FAM200C: variants seen among roughly 807,000 people sequenced by gnomAD.
chr5:160,394,040 A>G, the FAM200C span: 48 of 1,611,930 alleles, frequency 3.0e-5, no homozygotes, highest in African/African-American at 5.9e-4. Flanking sequence ...ATCATCAACA[A>G]AATCGATATT....
chr5:160,394,102 G>T, the FAM200C span: 1 of 1,613,338 alleles, frequency 6.2e-7, no homozygotes, highest in South Asian at 1.1e-5. Context: ...GATCTCCAAT[G>T]GAAAAATATC....
the FAM200C span, chr5:160,394,336 A>T: frequency 1.2e-6 from 2 of 1,613,960 alleles, no homozygotes; most frequent in East Asian, 4.5e-5. Context: ...CACTGAGTTC[A>T]TTTAAGTGTT....
the FAM200C span, chr5:160,393,845 G>T: frequency 1.2e-6 from 2 of 1,613,826 alleles, no homozygotes; most frequent in South Asian, 2.2e-5. Flanking sequence ...TAAAAGTGAT[G>T]AAAATCCCAA....
At chr5:160,398,167 A>C in the FAM200C span, among the ~76,000 whole-genome samples, 1 of 152,096 alleles carries the variant, frequency 6.6e-6, no homozygotes, top group Admixed American at 6.5e-5. Context: ...GCTTGAACCC[A>C]GGGGGCAGAG....
At chr5:160,394,434 A>G in the FAM200C span, 2 of 1,613,806 alleles carry the variant, frequency 1.2e-6, no homozygotes, top group Middle Eastern at 3.3e-4. Context: ...TGGTGAAGAA[A>G]CTGATTTATT....
chr5:160,393,924 C>A, the FAM200C span: 145,145 of 1,613,608 alleles, frequency 0.09, 7,131 homozygotes, highest in Middle Eastern at 0.12. Context: ...TTTGGAAATG[C>A]TGTGAATTGG....
the FAM200C span, chr5:160,397,431 C>T: frequency 3.1e-4 from 47 of 152,188 alleles, 1 homozygote; most frequent in African/African-American, 1.1e-3. Context: ...CACAGGTAGG[C>T]TCAAATATAC....
At chr5:160,397,745 A>G in the FAM200C span, among the ~76,000 whole-genome samples, 2 of 152,248 alleles carry the variant, frequency 1.3e-5, no homozygotes, top group Non-Finnish European at 2.9e-5. Flanking sequence ...CCTGAAGTTT[A>G]AAGAGCTGAT....
the FAM200C span, among the ~76,000 whole-genome samples, chr5:160,396,249 G>A: frequency 6.6e-6 from 1 of 151,808 alleles, no homozygotes; most frequent in Non-Finnish European, 1.5e-5. Flanking sequence ...GAACATGGTA[G>A]TTCTTTTTAA....
chr5:160,394,653 T>G, the FAM200C span: 3 of 1,613,992 alleles, frequency 1.9e-6, no homozygotes, highest in Admixed American at 5.0e-5. Context: ...AATGTCTTTA[T>G]GACAAGTGCA....
At chr5:160,399,426 G>A in the FAM200C span, among the ~76,000 whole-genome samples, 5 of 152,208 alleles carry the variant, frequency 3.3e-5, no homozygotes, top group South Asian at 8.3e-4. Context: ...TAGCCACTGC[G>A]TATGCAAGAT....
chr5:160,393,683 A>T, the FAM200C span: 1 of 1,436,246 alleles, frequency 7.0e-7, no homozygotes, highest in Non-Finnish European at 9.5e-7. Context: ...GATTGAAATT[A>T]TTCATTAAAA....
At chr5:160,394,661 G>A in the FAM200C span, 1 of 1,614,112 alleles carries the variant, frequency 6.2e-7, no homozygotes, top group Non-Finnish European at 8.5e-7. Context: ...TATGACAAGT[G>A]CATGAGGATT....
At chr5:160,394,886 T>A in the FAM200C span, 1 of 1,612,520 alleles carries the variant, frequency 6.2e-7, no homozygotes, top group Non-Finnish European at 8.5e-7. Flanking sequence ...GAGAAATTCT[T>A]CTACGATCTC....
At chr5:160,393,795 C>A in the FAM200C span, 2 of 1,592,480 alleles carry the variant, frequency 1.3e-6, no homozygotes, top group Non-Finnish European at 8.6e-7. Flanking sequence ...CGGATATCAT[C>A]ACTCAGATTA....
At chr5:160,394,697 T>A in the FAM200C span, 3 of 1,614,206 alleles carry the variant, frequency 1.9e-6, no homozygotes, top group Non-Finnish European at 2.5e-6. Context: ...AACTACGATA[T>A]GAGGTATCTC....
At chr5:160,393,710 A>T in the FAM200C span, 7 of 1,544,946 alleles carry the variant, frequency 4.5e-6, no homozygotes, top group Non-Finnish European at 5.2e-6. Flanking sequence ...ATCAGCTTAC[A>T]GTGACTTCTG....
chr5:160,396,900 T>G, the FAM200C span, among the ~76,000 whole-genome samples: 2 of 152,150 alleles, frequency 1.3e-5, no homozygotes, highest in Non-Finnish European at 2.9e-5. Context: ...ATAAGCAGCA[T>G]TCCTAAGGTT....
chr5:160,399,352 G>C, the FAM200C span, among the ~76,000 whole-genome samples: 1 of 152,206 alleles, frequency 6.6e-6, no homozygotes, highest in Non-Finnish European at 1.5e-5. Flanking sequence ...TATTCCAGCA[G>C]TGAAAACACC....
Sources: allele counts gnomAD v4.1 joint callset (sites outside exome capture counted in the v4.1 genomes callset), GRCh38; gene constraint gnomAD v4.1.1; transcripts MANE v1.5.